Variants in NIPAL1 observed in about 807,000 individuals in gnomAD.
The protein encoded by NIPAL1 is magnesium transporter NIPA3.
NIPAL1 carries 35 observed loss-of-function variants against 37.7 expected under a neutral mutation model. The observed-to-expected ratio is 0.93, with a 90% CI of 0.71 to 1.23. The LOEUF is 1.23. Ranked by LOEUF, NIPAL1 falls within the 50% of genes most tolerant of loss-of-function variation. The pLI is 0.00. For missense variants in NIPAL1, 412 were observed against 473.9 expected, an observed-to-expected ratio of 0.87 and a Z score of 1.21; for synonymous variants, 162 against 183.0, an observed-to-expected ratio of 0.89 and a Z score of 0.93.
chr4:48,023,799 A>G (rs1220182242), intron 1 of NIPAL1, among the ~76,000 whole-genome samples: 1 of 152,138 alleles, frequency 6.6e-6, no homozygotes. Flanking sequence ...AAGCCTAATG[A>G]TATTTAAATT....
rs1716020783 is a variant in NIPAL1 at position 48,039,116 on chromosome 4, G to A, written c.*2944G>A. On this transcript the variant is annotated 3_prime_UTR_variant, in exon 6 of 6. Transcript: ENST00000295461. ...AATCCCAGCACTTTGGGAGGCTGAG[G>A]CGGGTAGATCACAAGGACAGGAGTT... is the stretch of plus-strand genomic sequence containing the variant. The A allele has an allele frequency of 6.6e-6, 1 of 151,890 alleles. No individual in the cohort carries two copies. The highest frequency in any genetic ancestry group is 2.4e-5 in the African/African-American group (1 of 41,346). The allele number at this position is 151,890 out of a possible 1,614,324, so 9.4% of individuals were successfully genotyped here.
chr4:48,024,382 G>A (rs1490242700), intron 1 of NIPAL1, among the ~76,000 whole-genome samples: 3 of 152,090 alleles, frequency 2.0e-5, no homozygotes, highest in South Asian at 4.2e-4. Context: ...GGGCTCAAGC[G>A]ATCCTCCCTC....
rs770815672 is a variant in NIPAL1 at position 48,036,091 on chromosome 4, T to C, written c.1152T>C (p.Asn384=). 1 of 1,608,946 alleles carries C rather than the reference T, an allele frequency of 6.2e-7. No homozygotes were observed. The highest frequency in any genetic ancestry group is 8.5e-7 in the Non-Finnish European group (1 of 1,177,808). Reference sequence around the variant, plus strand: ...TCTCTCTGAATGTCAATGAAAACAATTATGTTTTACTAGAGAACTTGGAGT... The same window carrying C: ...TCTCTCTGAATGTCAATGAAAACAACTATGTTTTACTAGAGAACTTGGAGT... ...EAVSLNVNEN[N]YVLLENLECS... The change falls in exon 6 of 6, where the codon AAT becomes AAC. Residue 384 remains asparagine, a synonymous_variant. Transcript: ENST00000295461.
chr4:48,023,021 G>A (rs1362602246), intron 1 of NIPAL1, among the ~76,000 whole-genome samples: 3 of 152,032 alleles, frequency 2.0e-5, no homozygotes, highest in East Asian at 1.9e-4. Flanking sequence ...GCAGCAGTTA[G>A]GATATTTAGT....
In NIPAL1 at chr4:48,036,123, C is replaced by T; in HGVS notation, c.1184C>T (p.Ala395Val). The change falls in exon 6 of 6, where the codon GCC (alanine) becomes GTC (valine). Residue 395 changes from alanine to valine, a missense_variant. Ala to Val is a moderately conservative substitution (Grantham distance 64). Coordinates refer to ENST00000295461, the MANE Select transcript of NIPAL1 (RefSeq NM_207330.3). The stretch of plus-strand genomic sequence containing the variant: ...TTACTAGAGAACTTGGAGTGTTCAG[C>T]CCCAGGATACAATGATGACGTTACC... ...YVLLENLECS[A>V]PGYNDDVTLF... The T allele has an allele frequency of 6.2e-7, 1 of 1,608,712 alleles. No homozygotes were observed. The highest frequency in any genetic ancestry group is 1.3e-5 in the African/African-American group (1 of 74,490).
rs1308221368 is a variant in NIPAL1 at position 48,033,088 on chromosome 4, G to A, written c.461+5G>A. The A allele has an allele frequency of 6.3e-7, 1 of 1,586,732 alleles. No individual in the cohort carries two copies. Among genetic ancestry groups the A allele is most frequent in the African/African-American group, 1.3e-5 (1 of 74,438 alleles). ...TGCTTTGAGTGTTCTCATAAGGTATGTGAGCAACAGGGAACTTGGCTTCTG... is the reference window on the plus strand; with the variant it reads ...TGCTTTGAGTGTTCTCATAAGGTATATGAGCAACAGGGAACTTGGCTTCTG... On this transcript the variant is annotated splice_donor_5th_base_variant and intron_variant, in intron 4 of 5. Transcript: ENST00000295461.
chr4:48,034,921 A>G lies in NIPAL1; in HGVS notation c.502A>G (p.Ile168Val), dbSNP rs143618028. The change falls in exon 5 of 6, where the codon ATT becomes GTT. Residue 168 changes from isoleucine to valine, a missense_variant. Physicochemically the swap from Ile to Val is conservative, Grantham distance 29. Coordinates refer to ENST00000295461, the MANE Select transcript of NIPAL1 (RefSeq NM_207330.3). ...CTACTTTTTAAACGAGCACTTGAAC[A>G]TTCATGGGAAAATAGGCTGCATATT... is the stretch of plus-strand genomic sequence containing the variant. ...SSYFLNEHLN[I>V]HGKIGCILSI... 1.9e-6 allele frequency: 3 copies of G among 1,613,426 alleles called. No individual in the cohort carries two copies. In the African/African-American group the frequency reaches 4.0e-5, roughly 22 times the overall value.
intron 4 of NIPAL1, 70 bp downstream of exon 4, chr4:48,033,153 AC>A: frequency 1.0e-6 from 1 of 955,912 alleles, no homozygotes; most frequent in Non-Finnish European, 1.7e-6. Context: ...ACCATAATAA[AC>A]ATATGGCTAT....
chr4:48,026,986 G>C (rs1244434681), intron 2 of NIPAL1, among the ~76,000 whole-genome samples: 3 of 151,674 alleles, frequency 2.0e-5, no homozygotes, highest in Non-Finnish European at 2.9e-5. Flanking sequence ...CCAAAGTGCT[G>C]GGATTACAGG....
At chr4:48,031,577 TTA>T (rs1715820399) in intron 3 of NIPAL1, among the ~76,000 whole-genome samples, 1 of 152,180 alleles carries the variant, frequency 6.6e-6, no homozygotes, top group Non-Finnish European at 1.5e-5. Flanking sequence ...GTAAAAAAGT[TTA>T]TGTCAGTATT....
intron 3 of NIPAL1, among the ~76,000 whole-genome samples, chr4:48,031,917 T>C (rs910106280): frequency 1.3e-5 from 2 of 152,118 alleles, no homozygotes; most frequent in Non-Finnish European, 2.9e-5. Context: ...TTTTGTATTT[T>C]TAGTAGAGAT....
intron 5 of NIPAL1, 104 bp downstream of exon 5, chr4:48,035,145 C>T (rs894310306): frequency 1.2e-5 from 12 of 969,908 alleles, no homozygotes; most frequent in Admixed American, 1.1e-4. Flanking sequence ...CATTGTGGGC[C>T]GCATTGTGGG....
At chr4:48,028,184 G>A (rs1347258559) in intron 2 of NIPAL1, among the ~76,000 whole-genome samples, 1 of 152,050 alleles carries the variant, frequency 6.6e-6, no homozygotes, top group African/African-American at 2.4e-5. Flanking sequence ...TATACTATAA[G>A]GCTATCATAA....
At position 48,029,168 on chromosome 4, in the gene NIPAL1, G is replaced by C. The variant is rs554134826; in HGVS notation, c.314-952G>C. 3.3e-5 allele frequency among the ~76,000 whole-genome samples: 5 copies of C among 152,224 alleles called. No homozygotes were observed. The South Asian group carries it at 1.0e-3, about 32-fold the overall frequency. On this transcript the variant is annotated intron_variant, in intron 2 of 5. Transcript: ENST00000295461. ...CACCAAAGTCATGAAATCAACCTAA[G>C]TGCCCATCGACAGAGGACTGGATAA...
rs141403695 is a variant in NIPAL1 at position 48,025,316 on chromosome 4, A to G, written c.295A>G (p.Lys99Glu). ...GAAGGGCCTCTTGCAACTGGCCAGC[A>G]AGGGCTTTACTAGAGCTGGTAAGAA... ...KKKGLLQLASKGFTRAGQGGH... is the reference protein window; with the variant it reads ...KKKGLLQLASEGFTRAGQGGH... The change falls in exon 2 of 6, where the codon AAG (lysine) becomes GAG (glutamate). Residue 99 changes from lysine to glutamate, a missense_variant. By Grantham distance (56) the Lys-to-Glu change is moderately conservative. Coordinates refer to ENST00000295461, the MANE Select transcript of NIPAL1 (RefSeq NM_207330.3). 42 of 1,614,164 alleles carry G rather than the reference A, an allele frequency of 2.6e-5. No individual in the cohort carries two copies. The African/African-American group carries it at 4.7e-4, about 18-fold the overall frequency.
At chr4:48,033,738 G>A (rs754668148) in intron 4 of NIPAL1, among the ~76,000 whole-genome samples, 9 of 152,286 alleles carry the variant, frequency 5.9e-5, no homozygotes, top group African/African-American at 1.2e-4. Flanking sequence ...GATCCCAAAT[G>A]AATGTGTTTG....
rs760286633 is a variant in NIPAL1, at chr4:48,025,351, A to G, written c.313+17A>G. 5.3e-5 allele frequency: 85 copies of G among 1,608,844 alleles called. No homozygotes were observed. In the South Asian group the frequency reaches 9.2e-4, roughly 17 times the overall value. On this transcript the variant is annotated intron_variant, in intron 2 of 5. Coordinates refer to ENST00000295461, the MANE Select transcript of NIPAL1 (RefSeq NM_207330.3). ...CTAGAGCTGGTAAGAAACACATGCA[A>G]CTAATGAATTTAAGTTTCTAACTGC...
rs1324147291 is a variant in NIPAL1 at position 48,038,509 on chromosome 4, G to C, written c.*2337G>C. The C allele has an allele frequency of 6.6e-6, 1 of 152,168 alleles. No homozygotes were observed. The highest frequency in any genetic ancestry group is 1.5e-5 in the Non-Finnish European group (1 of 68,072). 9.4% of individuals were successfully genotyped at this position (152,168 alleles called of 1,614,324 possible). A position where few individuals can be genotyped will look rare whatever the true frequency, so the allele number is the denominator to read the frequency against. ...AAAATGTAAAAAACATCAAGAGGCT[G>C]AGTCAGGAGGATCATTTGAGCTTAG... On this transcript the variant is annotated 3_prime_UTR_variant, in exon 6 of 6. Coordinates refer to ENST00000295461, the MANE Select transcript of NIPAL1 (RefSeq NM_207330.3).
intron 1 of NIPAL1, among the ~76,000 whole-genome samples, chr4:48,024,811 AG>A (rs11285596): frequency 0.15 from 23,253 of 152,180 alleles, 2,037 homozygotes; most frequent in East Asian, 0.24. Flanking sequence ...TCGAATTTAT[AG>A]GGGGAATCCA....
Sources: gnomAD v4.1 joint callset for allele counts (sites outside exome capture counted in the v4.1 genomes callset) on GRCh38, gnomAD v4.1.1 for gene constraint, MANE v1.5 for transcripts, NCBI Gene and HGNC (gene_info 2026-07-23, HGNC 2026-07-21) for gene names.